SEC24B: variants seen among roughly 807,000 people sequenced by gnomAD.
SEC24B encodes SEC24 homolog B, COPII component, also known as protein transport protein Sec24B.
SEC24B carries 45 observed loss-of-function variants against 142.8 expected under a neutral mutation model. The observed-to-expected ratio is 0.32, with a 90% CI of 0.25 to 0.40. The LOEUF (loss-of-function observed/expected upper bound fraction) is 0.40. SEC24B is among the 10% of genes least tolerant of loss of function. The pLI is 1.00. For missense variants in SEC24B, 1,409 were observed against 1,526.8 expected, an observed-to-expected ratio of 0.92 and a Z score of 1.29; for synonymous variants, 574 against 568.2, an observed-to-expected ratio of 1.01 and a Z score of -0.15.
Position 109,530,438 on chromosome 4 carries a change from C to T in SEC24B, c.3226C>T (p.Leu1076Phe). 6.2e-7 allele frequency: 1 copy of T among 1,613,978 alleles called. No individual in the cohort carries two copies. Among genetic ancestry groups the T allele is most frequent in the Non-Finnish European group, 8.5e-7 (1 of 1,179,950 alleles). ...MAPSSLKLFP[L>F]YVLALLKQKA... ...GCCCAGCTCCCTCAAGTTGTTTCCT[C>T]TCTATGTTTTGGCCCTTCTCAAACA... The change falls in exon 19 of 24, where the codon CTC (leucine) becomes TTC (phenylalanine). Residue 1076 changes from leucine to phenylalanine, a missense_variant. Around this residue, in one of 2 missense-constraint regions of SEC24B, gnomAD observed 700 missense variants for 853.3 expected, o/e 0.82. Transcript: ENST00000265175.
intron 23 of SEC24B, among the ~76,000 whole-genome samples, chr4:109,538,958 A>ATT (rs200263013): frequency 1.4e-5 from 2 of 144,566 alleles, no homozygotes; most frequent in Non-Finnish European, 3.0e-5. Flanking sequence ...CTAATTTTTA[A>ATT]TTTTTTTTTT....
At chr4:109,444,251 T>C (rs1301668361) in intron 1 of SEC24B, among the ~76,000 whole-genome samples, 1 of 151,216 alleles carries the variant, frequency 6.6e-6, no homozygotes, top group East Asian at 1.9e-4. Flanking sequence ...TTTACAATTA[T>C]GTTGGGGCTG....
At chr4:109,470,988 G>A (rs918883233) in intron 2 of SEC24B, among the ~76,000 whole-genome samples, 1 of 152,140 alleles carries the variant, frequency 6.6e-6, no homozygotes, top group African/African-American at 2.4e-5. Context: ...TCTGTGAGGA[G>A]CATATTGAGA....
chr4:109,463,014 T>C lies in SEC24B; in HGVS notation c.247T>C (p.Leu83=), dbSNP rs754495945. The C allele has an allele frequency of 1.2e-6, 2 of 1,614,024 alleles. No individual in the cohort carries two copies. The highest frequency in any genetic ancestry group is 2.2e-5 in the East Asian group (1 of 44,886). Residue 83 remains leucine (L), a synonymous_variant, in exon 2 of 24, where the codon TTG becomes CTG. Coordinates refer to ENST00000265175, the MANE Select transcript of SEC24B (RefSeq NM_006323.5). ...ACCTGGGAAAATGACCTCATTGCCATTGGATACCCAGTGTGGTGATTACTA... is the reference window on the plus strand; with the variant it reads ...ACCTGGGAAAATGACCTCATTGCCACTGGATACCCAGTGTGGTGATTACTA... ...QGPGKMTSLP[L]DTQCGDYYSA... is the part of the protein sequence containing the mutation.
At chr4:109,519,778 A>T (rs1469354952) in intron 11 of SEC24B, among the ~76,000 whole-genome samples, 2 of 152,222 alleles carry the variant, frequency 1.3e-5, no homozygotes, top group Non-Finnish European at 2.9e-5. Flanking sequence ...TCTTGCTTCG[A>T]TGCATATTCT....
chr4:109,477,201 A>G (rs924583291), intron 3 of SEC24B, among the ~76,000 whole-genome samples: 11 of 150,676 alleles, frequency 7.3e-5, no homozygotes, highest in Non-Finnish European at 1.3e-4. Flanking sequence ...ACCCAGGCCC[A>G]TTGCACACCT....
chr4:109,461,924 A>C (rs551459982), intron 1 of SEC24B, among the ~76,000 whole-genome samples: 2 of 152,312 alleles, frequency 1.3e-5, no homozygotes, highest in South Asian at 4.1e-4. Flanking sequence ...GCCTGGGCAC[A>C]CAGTGAGACC....
intron 5 of SEC24B, among the ~76,000 whole-genome samples, chr4:109,494,146 TATAA>T (rs1328421436): frequency 5.9e-5 from 9 of 152,166 alleles, no homozygotes; most frequent in Admixed American, 5.9e-4. Flanking sequence ...GTGTGTATTA[TATAA>T]ATATATTCTT....
At chr4:109,510,204 C>A in intron 8 of SEC24B, 93 bp downstream of exon 8, 2 of 563,272 alleles carry the variant, frequency 3.6e-6, no homozygotes, top group Non-Finnish European at 5.7e-6. Flanking sequence ...TTTTCTATAT[C>A]TTCTTTTATT....
Position 109,439,474 on chromosome 4 carries a change from ATTTTTTTTTTTTTTT to A in SEC24B, c.133+5503_133+5517del, listed in dbSNP as rs70949077. On this transcript the variant is annotated intron_variant, in intron 1 of 23. Transcript: ENST00000265175. ...GAATACATAATTTCCTCCTAAGCTGATTTTTTTTTTTTTTTTTTTTTTTTTTTTTTTTTTTTTTTT... is the reference window on the plus strand; with the variant it reads ...GAATACATAATTTCCTCCTAAGCTGATTTTTTTTTTTTTTTTTTTTTTTTT... Among the ~76,000 whole-genome samples the A allele has an allele frequency of 5.5e-3, 241 of 43,930 alleles. 4 individuals are homozygous for A. The highest frequency in any genetic ancestry group is 0.046 in the South Asian group (57 of 1,228). The allele number at this position is 43,930 out of a possible 152,430, so 28.8% of individuals were successfully genotyped here. A position where few individuals can be genotyped will look rare whatever the true frequency, so the allele number is the denominator to read the frequency against.
At chr4:109,455,448 C>T (rs931300910) in intron 1 of SEC24B, among the ~76,000 whole-genome samples, 2 of 152,094 alleles carry the variant, frequency 1.3e-5, no homozygotes, top group African/African-American at 4.8e-5. Flanking sequence ...ACCATGTTGG[C>T]TAGGCTGGTC....
intron 11 of SEC24B, among the ~76,000 whole-genome samples, chr4:109,517,481 A>G (rs1464670773): frequency 1.3e-5 from 2 of 152,166 alleles, no homozygotes; most frequent in Non-Finnish European, 2.9e-5. Context: ...GATCCTAGCC[A>G]AAGTGTAAAA....
At chr4:109,505,035 G>A (rs909747332) in intron 6 of SEC24B, among the ~76,000 whole-genome samples, 5 of 151,892 alleles carry the variant, frequency 3.3e-5, no homozygotes, top group African/African-American at 1.2e-4. Context: ...AACAATGGAA[G>A]GATTAAACTA....
chr4:109,510,031 A>C lies in SEC24B; in HGVS notation c.1696A>C (p.Asn566His), dbSNP rs780886984. Residue 566 changes from asparagine to histidine, a missense_variant, in exon 8 of 24, where the codon AAT (asparagine) becomes CAT (histidine). Transcript: ENST00000265175. The stretch of plus-strand genomic sequence containing the variant: ...CAGTTCATTTCGGTGTACTTTGACA[A>C]ATATTCCACAGACACAGGCTTTACT... The part of the protein sequence containing the change: ...SPDSFRCTLT[N>H]IPQTQALLNK... 2 of 1,607,922 alleles carry C rather than the reference A, an allele frequency of 1.2e-6. No individual in the cohort carries two copies. The highest frequency in any genetic ancestry group is 1.7e-6 in the Non-Finnish European group (2 of 1,177,830).
chr4:109,451,463 A>G (rs1049928202), intron 1 of SEC24B, among the ~76,000 whole-genome samples: 5 of 151,864 alleles, frequency 3.3e-5, no homozygotes, highest in Admixed American at 6.6e-5. Flanking sequence ...CAAAGTGCCA[A>G]TACTATTGAT....
At chr4:109,449,753 GCCCCA>G (rs1466845440) in intron 1 of SEC24B, among the ~76,000 whole-genome samples, 1 of 151,958 alleles carries the variant, frequency 6.6e-6, no homozygotes, top group Non-Finnish European at 1.5e-5. Context: ...CCTCCCAAAG[GCCCCA>G]CCTCCTAACA....
At chr4:109,482,210 G>A (rs895790717) in intron 4 of SEC24B, among the ~76,000 whole-genome samples, 7 of 152,200 alleles carry the variant, frequency 4.6e-5, no homozygotes, top group African/African-American at 1.7e-4. Context: ...AGAGAAATAG[G>A]ACAGTGTTTC....
Position 109,462,984 on chromosome 4 carries a change from C to A in SEC24B, c.217C>A (p.Gln73Lys). ...TATTGCTCCCTCAGGACATTACTCT[C>A]AAGGACCTGGGAAAATGACCTCATT... ...NYIAPSGHYS[Q>K]GPGKMTSLPL... Residue 73 changes from glutamine to lysine, a missense_variant, in exon 2 of 24, where the codon CAA (glutamine) becomes AAA (lysine). Physicochemically the swap from Gln to Lys is moderately conservative, Grantham distance 53 (BLOSUM62 1). Transcript: ENST00000265175. 6.2e-7 allele frequency: 1 copy of A among 1,614,022 alleles called. No homozygotes were observed. Among genetic ancestry groups the A allele is most frequent in the Non-Finnish European group, 8.5e-7 (1 of 1,179,986 alleles).
chr4:109,518,954 A>G (rs1474733935), intron 11 of SEC24B, among the ~76,000 whole-genome samples: 1 of 151,790 alleles, frequency 6.6e-6, no homozygotes, highest in Non-Finnish European at 1.5e-5. Context: ...CTACAAGCGC[A>G]CACCATCACA....
Sources: allele counts gnomAD v4.1 joint callset (sites outside exome capture counted in the v4.1 genomes callset), GRCh38; gene constraint gnomAD v4.1.1; regional missense constraint gnomAD v4.1.1; transcripts MANE v1.5; gene names NCBI Gene and HGNC (gene_info 2026-07-23, HGNC 2026-07-21).